The following CNTNAP3B variants were observed in gnomAD, a reference collection of about 807,000 sequenced individuals.
CNTNAP3B encodes the protein contactin-associated protein-like 3B.
In CNTNAP3B, 25 loss-of-function variants were observed where a neutral mutation model predicts 108.9. The observed-to-expected ratio is 0.23, with a 90% CI of 0.17 to 0.32. The LOEUF is 0.32. Among genes scored for constraint, CNTNAP3B ranks in the 10% least tolerant of loss-of-function variants. The pLI, the probability that CNTNAP3B is intolerant of heterozygous loss-of-function variation, is 1.00. For missense variants in CNTNAP3B, 252 were observed against 1,210.4 expected (o/e 0.21, Z 11.75); for synonymous variants, 103 against 473.4 (o/e 0.22, Z 10.16).
intron 15 of CNTNAP3B, 100 bp downstream of exon 15, chr9:41,929,217 G>A (rs1168755780): frequency 7.0e-7 from 1 of 1,431,850 alleles, no homozygotes; most frequent in Admixed American, 2.5e-5. Flanking sequence ...TCCTAGTACT[G>A]CCACTATTCT....
In CNTNAP3B at chr9:42,125,672, T is replaced by TG. The variant is rs1297962417; in HGVS notation, c.85+3337_85+3338insC. On this transcript the variant is annotated intron_variant, in intron 1 of 23. Transcript: ENST00000377561. ...ATGTGAACTACATTTTTTGTTTTTT[T>TG]TTTTTTGTTTTTTTTTGAGACAGAG... 1.5e-5 allele frequency among the ~76,000 whole-genome samples: 2 copies of TG among 132,170 alleles called. 1 individual carries two copies. The highest frequency in any genetic ancestry group is 4.5e-4 in the East Asian group (2 of 4,396). The allele number at this position is 132,170 out of a possible 152,430, so 86.7% of individuals were successfully genotyped here.
At chr9:41,958,606 G>T (rs1486539292) in intron 12 of CNTNAP3B, among the ~76,000 whole-genome samples, 2 of 151,786 alleles carry the variant, frequency 1.3e-5, no homozygotes, top group African/African-American at 2.4e-5. Flanking sequence ...ACCTTCACAA[G>T]AGCTTCTCAG....
intron 1 of CNTNAP3B, among the ~76,000 whole-genome samples, chr9:42,112,291 G>C (rs1457172352): frequency 7.2e-6 from 1 of 139,388 alleles, no homozygotes; most frequent in Non-Finnish European, 1.5e-5. Flanking sequence ...CCCCAGTAAG[G>C]CTTACTCTTC....
At chr9:41,948,304 C>G (rs1435522372) in intron 13 of CNTNAP3B, among the ~76,000 whole-genome samples, 3 of 151,978 alleles carry the variant, frequency 2.0e-5, no homozygotes, top group Non-Finnish European at 4.4e-5. Flanking sequence ...GTTGGCCAGG[C>G]AGGTCTCGAA....
chr9:42,059,906 G>C (rs1374281135), intron 3 of CNTNAP3B, among the ~76,000 whole-genome samples: 1 of 143,282 alleles, frequency 7.0e-6, no homozygotes, highest in East Asian at 2.1e-4. Flanking sequence ...TTATGCATTA[G>C]TTCTAATAAT....
intron 3 of CNTNAP3B, among the ~76,000 whole-genome samples, chr9:42,056,264 C>T (rs1319498583): frequency 7.3e-6 from 1 of 136,958 alleles, no homozygotes; most frequent in African/African-American, 2.8e-5. Flanking sequence ...AGTAGTACCT[C>T]ACTGCTGTTT....
At position 42,097,357 on chromosome 9, in the gene CNTNAP3B, C is replaced by T. The variant is rs373662017; in HGVS notation, c.196+7272G>A. Among the ~76,000 whole-genome samples, 12 of 139,718 alleles carry T rather than the reference C, an allele frequency of 8.6e-5. 2 individuals are homozygous for T. The East Asian group carries it at 1.5e-3, about 18-fold the overall frequency. The allele number at this position is 139,718 out of a possible 152,430, so 91.7% of individuals were successfully genotyped here. A position where few individuals can be genotyped will look rare whatever the true frequency, so the allele number is the denominator to read the frequency against. On this transcript the variant is annotated intron_variant, in intron 2 of 23. Transcript: ENST00000377561. ...GTTCAGTTGCCTGGGTAAAACTGCC[C>T]CACGCAGAGAAGCTTTTACCCCAGG...
chr9:41,958,553 A>G (rs1231843825), intron 12 of CNTNAP3B, among the ~76,000 whole-genome samples: 2 of 151,944 alleles, frequency 1.3e-5, no homozygotes, highest in Non-Finnish European at 2.9e-5. Context: ...TAGTCCTGTG[A>G]TTAGGTCTGA....
intron 3 of CNTNAP3B, among the ~76,000 whole-genome samples, chr9:42,060,089 C>T (rs1234139766): frequency 1.4e-5 from 2 of 146,388 alleles, no homozygotes; most frequent in Admixed American, 1.4e-4. Context: ...AGTGGGCATC[C>T]TTGTCTTGTT....
intron 15 of CNTNAP3B, among the ~76,000 whole-genome samples, chr9:41,924,747 C>A (rs1260337130): frequency 3.3e-5 from 5 of 152,136 alleles, no homozygotes; most frequent in Non-Finnish European, 5.9e-5. Flanking sequence ...CTTATTTGTT[C>A]CCTTCTGTCC....
chr9:41,931,178 G>C (rs1213873977), intron 14 of CNTNAP3B, among the ~76,000 whole-genome samples: 1 of 152,266 alleles, frequency 6.6e-6, no homozygotes, highest in Non-Finnish European at 1.5e-5. Flanking sequence ...AAGGCTTTCT[G>C]AATTAAAAAA....
At chr9:41,926,030 T>TCA (rs1309995388) in intron 15 of CNTNAP3B, among the ~76,000 whole-genome samples, 2 of 152,068 alleles carry the variant, frequency 1.3e-5, no homozygotes, top group African/African-American at 2.4e-5. Context: ...TCTCTCTCTC[T>TCA]CACACACACA....
rs1206655797 is a variant in CNTNAP3B, at chr9:42,103,668, GA to G, written c.196+960del. Among the ~76,000 whole-genome samples, 2 of 95,236 alleles carry G rather than the reference GA, an allele frequency of 2.1e-5. 1 individual carries two copies. The highest frequency in any genetic ancestry group is 4.4e-5 in the Non-Finnish European group (2 of 45,500). The allele number at this position is 95,236 out of a possible 152,430, so 62.5% of individuals were successfully genotyped here. On this transcript the variant is annotated intron_variant, in intron 2 of 23. Coordinates refer to ENST00000377561, the MANE Select transcript of CNTNAP3B (RefSeq NM_001201380.3). ...GAGAATTGTGTGAACCCAGGAGGCA[GA>G]GCTTGCAGTGAGCTGAGATTGCACC...
chr9:41,963,794 C>A (rs1487314325), intron 11 of CNTNAP3B, among the ~76,000 whole-genome samples: 1 of 152,304 alleles, frequency 6.6e-6, no homozygotes, highest in East Asian at 1.9e-4. Context: ...CACAAACTAG[C>A]TGGGGGCCAA....
chr9:41,959,390 G>A (rs1458730416), intron 12 of CNTNAP3B, among the ~76,000 whole-genome samples: 2 of 152,278 alleles, frequency 1.3e-5, no homozygotes, highest in Admixed American at 6.5e-5. Context: ...ATTTTCTAGG[G>A]CAGAAAAGAG....
chr9:41,945,820 A>T (rs1164432901), intron 13 of CNTNAP3B, among the ~76,000 whole-genome samples: 1 of 152,232 alleles, frequency 6.6e-6, no homozygotes, highest in African/African-American at 2.4e-5. Flanking sequence ...AAAACCCATG[A>T]TCCACCTACA....
At chr9:41,969,170 C>A (rs1384929207) in intron 10 of CNTNAP3B, among the ~76,000 whole-genome samples, 1 of 152,022 alleles carries the variant, frequency 6.6e-6, no homozygotes, top group African/African-American at 2.4e-5. Context: ...TGTACTGGGG[C>A]AAATTGTATG....
intron 11 of CNTNAP3B, among the ~76,000 whole-genome samples, chr9:41,964,095 A>G (rs1323107907): frequency 6.6e-6 from 1 of 152,310 alleles, no homozygotes; most frequent in Non-Finnish European, 1.5e-5. Context: ...GCATCATCCC[A>G]GTGATTGTTA....
chr9:42,041,942 T>C (rs1353478669), intron 3 of CNTNAP3B, among the ~76,000 whole-genome samples: 2 of 136,556 alleles, frequency 1.5e-5, no homozygotes, highest in Non-Finnish European at 3.1e-5. Context: ...TGTAGGGACA[T>C]GGATGAAGCT....
Sources: allele counts gnomAD v4.1 joint callset (sites outside exome capture counted in the v4.1 genomes callset), GRCh38; gene constraint gnomAD v4.1.1; transcripts MANE v1.5; gene names NCBI Gene and HGNC (gene_info 2026-07-23, HGNC 2026-07-21).